Variants in GPC5 observed in about 807,000 individuals in gnomAD.
GPC5 encodes the protein glypican 5.
In GPC5, 47 loss-of-function variants were observed where a neutral mutation model predicts 53.9. The ratio of observed to expected loss-of-function variants is 0.87; its 90% CI spans 0.69 to 1.11. GPC5 has a LOEUF of 1.11. GPC5 is among the 50% of genes most tolerant of loss of function. GPC5 has a pLI of 0.00. For synonymous variants in GPC5, 286 were observed against 263.3 expected, an observed-to-expected ratio of 1.09 and a Z score of -0.84; for missense variants, 748 against 713.1, an observed-to-expected ratio of 1.05 and a Z score of -0.56.
intron 2 of GPC5, among the ~76,000 whole-genome samples, chr13:91,621,179 C>T (rs1260497118): frequency 6.6e-6 from 1 of 152,148 alleles, no homozygotes; most frequent in Non-Finnish European, 1.5e-5. Context: ...AAACATAAAG[C>T]ATAGTTTCTC....
intron 7 of GPC5, among the ~76,000 whole-genome samples, chr13:92,735,192 T>C (rs1261765802): frequency 6.6e-6 from 1 of 151,938 alleles, no homozygotes; most frequent in Non-Finnish European, 1.5e-5. Flanking sequence ...ATTGGGTAAA[T>C]AGTACAAAAA....
intron 7 of GPC5, among the ~76,000 whole-genome samples, chr13:92,857,205 T>G (rs1247498879): frequency 6.6e-6 from 1 of 151,968 alleles, no homozygotes; most frequent in Non-Finnish European, 1.5e-5. Flanking sequence ...TTGACAAACA[T>G]AAGCAATGGG....
chr13:92,476,968 G>T (rs1044356285), intron 7 of GPC5, among the ~76,000 whole-genome samples: 4 of 149,120 alleles, frequency 2.7e-5, no homozygotes, highest in Non-Finnish European at 5.9e-5. Context: ...TGGGTGCAGC[G>T]CACCAGCATG....
chr13:92,269,804 G>A (rs958819094), intron 7 of GPC5, among the ~76,000 whole-genome samples: 1 of 152,128 alleles, frequency 6.6e-6, no homozygotes, highest in Non-Finnish European at 1.5e-5. Flanking sequence ...GCAGGATTTT[G>A]GTTTTCGTTT....
intron 7 of GPC5, among the ~76,000 whole-genome samples, chr13:92,827,288 A>T (rs1877883654): frequency 6.6e-6 from 1 of 152,168 alleles, no homozygotes; most frequent in South Asian, 2.1e-4. Flanking sequence ...CTTTTGAAAG[A>T]CGATTTTTTT....
chr13:92,177,502 T>C (rs1042382310), intron 7 of GPC5, among the ~76,000 whole-genome samples: 3 of 152,178 alleles, frequency 2.0e-5, no homozygotes, highest in Non-Finnish European at 4.4e-5. Flanking sequence ...ATTACTTACA[T>C]CTCAACCTTA....
chr13:91,771,776 A>G (rs1463007451), intron 5 of GPC5, among the ~76,000 whole-genome samples: 1 of 152,240 alleles, frequency 6.6e-6, no homozygotes, highest in Admixed American at 6.5e-5. Flanking sequence ...GTTATAATAG[A>G]ATCATCATAT....
intron 6 of GPC5, among the ~76,000 whole-genome samples, chr13:92,122,096 T>C (rs2041654453): frequency 1.3e-5 from 2 of 152,144 alleles, no homozygotes; most frequent in African/African-American, 4.8e-5. Context: ...TACCGAAATA[T>C]AGCAATTAAA....
intron 7 of GPC5, among the ~76,000 whole-genome samples, chr13:92,492,507 AAAG>A (rs1372430100): frequency 2.6e-5 from 4 of 152,236 alleles, no homozygotes; most frequent in Non-Finnish European, 5.9e-5. Flanking sequence ...ATATATAAAA[AAAG>A]AGAAAATACA....
At chr13:91,753,476 T>C (rs572134889) in intron 4 of GPC5, among the ~76,000 whole-genome samples, 5 of 152,310 alleles carry the variant, frequency 3.3e-5, no homozygotes, top group Admixed American at 3.3e-4. Flanking sequence ...CTTGTTTTTC[T>C]GTTCACTGAC....
At chr13:92,343,450 T>C (rs1352928157) in intron 7 of GPC5, among the ~76,000 whole-genome samples, 1 of 152,210 alleles carries the variant, frequency 6.6e-6, no homozygotes, top group Non-Finnish European at 1.5e-5. Flanking sequence ...GGAACTGAAA[T>C]CACTTTATGG....
chr13:91,679,889 T>C (rs1255394604), intron 2 of GPC5, among the ~76,000 whole-genome samples: 4 of 151,892 alleles, frequency 2.6e-5, no homozygotes, highest in Admixed American at 6.6e-5. Flanking sequence ...ACTTTTGCAA[T>C]TGAGTTGCAA....
At chr13:92,291,365 C>T (rs1218821822) in intron 7 of GPC5, among the ~76,000 whole-genome samples, 2 of 152,142 alleles carry the variant, frequency 1.3e-5, no homozygotes, top group Admixed American at 6.5e-5. Flanking sequence ...GTAAGTACAC[C>T]GATCGGCACT....
chr13:91,741,846 G>A (rs952353322), intron 4 of GPC5, among the ~76,000 whole-genome samples: 4 of 152,058 alleles, frequency 2.6e-5, no homozygotes, highest in East Asian at 1.9e-4. Context: ...AAAAATAGTC[G>A]ATTCTTTCAG....
chr13:91,629,010 G>A (rs2034085235), intron 2 of GPC5, among the ~76,000 whole-genome samples: 1 of 152,138 alleles, frequency 6.6e-6, no homozygotes, highest in Non-Finnish European at 1.5e-5. Flanking sequence ...ATCTTTTGGA[G>A]AGTTATTGTG....
chr13:92,557,704 G>C (rs1403905921), intron 7 of GPC5, among the ~76,000 whole-genome samples: 1 of 151,898 alleles, frequency 6.6e-6, no homozygotes, highest in African/African-American at 2.4e-5. Context: ...TATACAGGTG[G>C]ATAAGTCAGA....
chr13:91,632,761 C>G (rs951569356), intron 2 of GPC5, among the ~76,000 whole-genome samples: 1 of 152,102 alleles, frequency 6.6e-6, no homozygotes, highest in Admixed American at 6.6e-5. Context: ...CTAAAACAAT[C>G]AAAAGCTGTT....
rs150923013 is a variant in GPC5 at position 92,641,245 on chromosome 13, T to C, written c.1562-225037T>C. On this transcript the variant is annotated intron_variant, in intron 7 of 7. Transcript: ENST00000377067. ...TAAGAGGCATGTAGATGTCTTGTAT[T>C]TGGGGATATGGTACCCCGAGAAGGA... 2.5e-3 allele frequency among the ~76,000 whole-genome samples: 385 copies of C among 152,216 alleles called. 2 individuals are homozygous for C. Among genetic ancestry groups the C allele is most frequent in the African/African-American group, 8.7e-3 (363 of 41,528 alleles).
intron 7 of GPC5, among the ~76,000 whole-genome samples, chr13:92,304,954 A>G (rs1340750496): frequency 6.6e-6 from 1 of 152,184 alleles, no homozygotes; most frequent in Non-Finnish European, 1.5e-5. Context: ...ATACAGCCCT[A>G]ACCATTAGAG....
Sources: gnomAD v4.1 joint callset for allele counts (sites outside exome capture counted in the v4.1 genomes callset) on GRCh38, gnomAD v4.1.1 for gene constraint, MANE v1.5 for transcripts, NCBI Gene and HGNC (gene_info 2026-07-23, HGNC 2026-07-21) for gene names.